LYST: variants seen among roughly 807,000 people sequenced by gnomAD.
LYST encodes lysosomal-trafficking regulator.
A neutral mutation model predicts 413.6 loss-of-function variants in LYST; 192 were observed. The observed-to-expected ratio is 0.46, with a 90% CI of 0.41 to 0.52. LYST has a LOEUF of 0.52. LYST is among the 20% of genes least tolerant of loss of function. The pLI is 0.00. For missense variants in LYST, 3,815 were observed against 4,499.9 expected, an observed-to-expected ratio of 0.85 and a Z score of 4.35; for synonymous variants, 1,525 against 1,567.3, an observed-to-expected ratio of 0.97 and a Z score of 0.64.
Position 235,724,018 on chromosome 1 carries a change from G to C in LYST, c.9315+10C>G, listed in dbSNP as rs1254384615. On this transcript the variant is annotated intron_variant, in intron 39 of 52. Coordinates refer to ENST00000389793, the MANE Select transcript of LYST (RefSeq NM_000081.4). Reference sequence around the variant, plus strand: ...AAACAATATATATCAATTAATAAGGGTGAATTTACCTTGGTGTTATCAAAT... The same window carrying C: ...AAACAATATATATCAATTAATAAGGCTGAATTTACCTTGGTGTTATCAAAT... 7.4e-6 allele frequency: 12 copies of C among 1,610,764 alleles called. No individual in the cohort carries two copies. The highest frequency in any genetic ancestry group is 1.0e-5 in the Non-Finnish European group (12 of 1,177,136).
At position 235,809,091 on chromosome 1, in the gene LYST, C is replaced by T. The variant is rs1240621396; in HGVS notation, c.1727G>A (p.Gly576Asp). 1.2e-6 allele frequency: 2 copies of T among 1,614,090 alleles called. No individual in the cohort carries two copies. Among genetic ancestry groups the T allele is most frequent in the Admixed American group, 3.3e-5 (2 of 60,004 alleles). Residue 576 changes from glycine to aspartate, a missense_variant, in exon 5 of 53, where the codon GGT becomes GAT. Physicochemically the swap from Gly to Asp is moderately conservative, Grantham distance 94. Around this residue, in one of 4 missense-constraint regions of LYST, gnomAD observed 1,648 missense variants for 1,810.3 expected, o/e 0.91. Coordinates refer to ENST00000389793, the MANE Select transcript of LYST (RefSeq NM_000081.4). This position sits in a 1 kb window ranked among gnomAD's most constrained non-coding sequence, Gnocchi z 4.0. The stretch of plus-strand genomic sequence containing the variant: ...ACAGCATATTCCAATGTTATGAACA[C>T]CCGATAGGATCTGGACACAAGTGCT... ...LSSTCVQILS[G>D]VHNIGICCCM... is the part of the protein sequence containing the mutation.
chr1:235,859,640 G>A (rs1432839176), intron 1 of LYST, among the ~76,000 whole-genome samples: 4 of 151,856 alleles, frequency 2.6e-5, no homozygotes, highest in Non-Finnish European at 5.9e-5. Context: ...TTTAAATTAC[G>A]AGTAATTATC....
upstream of LYST, among the ~76,000 whole-genome samples, chr1:235,871,396 T>C (rs577854258): frequency 3.0e-4 from 45 of 152,310 alleles, no homozygotes; most frequent in South Asian, 8.3e-3. Flanking sequence ...TCACAAGACA[T>C]TTATGGTTGA....
chr1:235,752,200 GA>G, intron 26 of LYST, 29 bp from the exon 27 acceptor site: 1 of 1,527,174 alleles, frequency 6.5e-7, no homozygotes, highest in African/African-American at 1.4e-5. Context: ...GAAGAAAACA[GA>G]ACATTTATAA....
chr1:235,665,468 CA>C (rs1317617991), intron 50 of LYST, among the ~76,000 whole-genome samples: 1 of 151,426 alleles, frequency 6.6e-6, no homozygotes, highest in African/African-American at 2.4e-5. Context: ...AAAAATTAGC[CA>C]GGGGTGGTGG....
chr1:235,694,463 C>T (rs972575099), intron 46 of LYST, among the ~76,000 whole-genome samples: 4 of 152,160 alleles, frequency 2.6e-5, no homozygotes, highest in African/African-American at 7.2e-5. Context: ...ATGGTACTGC[C>T]CTTGAAACTT....
chr1:235,737,835 G>A (rs2103240069), intron 31 of LYST: 1 of 928,626 alleles, frequency 1.1e-6, no homozygotes, highest in Middle Eastern at 5.0e-4. Context: ...TTAATAAACA[G>A]GGAAGGAAAC....
chr1:235,715,483 C>T, intron 41 of LYST, 126 bp from the exon 42 acceptor site: 1 of 867,456 alleles, frequency 1.2e-6, no homozygotes, highest in Non-Finnish European at 1.9e-6. Flanking sequence ...ATGGCTGGCC[C>T]TCCCACTCTT....
Position 235,774,957 on chromosome 1 carries a change from C to G in LYST, c.5590G>C (p.Val1864Leu), listed in dbSNP as rs139694536. Residue 1864 changes from valine (V) to leucine (L), a missense_variant, in exon 18 of 53, where the codon GTG (valine) becomes CTG (leucine). By Grantham distance (32) the Val-to-Leu change is conservative. Around this residue, in one of 4 missense-constraint regions of LYST, gnomAD observed 530 missense variants for 696.5 expected, o/e 0.76. Coordinates refer to ENST00000389793, the MANE Select transcript of LYST (RefSeq NM_000081.4). ...ACAATGCATTTTTGTTTGATCAACA[C>G]CTGATGAATCATAGAAAGTCCATTA... ...NCNGLSMIHQ[V>L]LIKQKCIVGF... 5 of 1,610,508 alleles carry G rather than the reference C, an allele frequency of 3.1e-6. No individual in the cohort carries two copies. In the African/African-American group the frequency reaches 6.7e-5, roughly 22 times the overall value.
At chr1:235,678,647 A>T (rs1444111285) in intron 48 of LYST, among the ~76,000 whole-genome samples, 1 of 152,184 alleles carries the variant, frequency 6.6e-6, no homozygotes, top group Non-Finnish European at 1.5e-5. Flanking sequence ...ACAAATCTTA[A>T]CATTTTATAT....
rs111336926 is a variant in LYST at position 235,680,980 on chromosome 1, G to C, written c.10801-3361C>G. On this transcript the variant is annotated intron_variant, in intron 48 of 52. Coordinates refer to ENST00000389793, the MANE Select transcript of LYST (RefSeq NM_000081.4). ...ATTTATTCATCCAACAAACATTGTT[G>C]AGTGTCCCCTACTGTGTGCCTGTCA... Among the ~76,000 whole-genome samples, 846 of 152,292 alleles carry C rather than the reference G, an allele frequency of 5.6e-3. 16 individuals are homozygous for C. The highest frequency in any genetic ancestry group is 0.018 in the African/African-American group (748 of 41,558).
chr1:235,861,283 TAAGATA>T (rs1319193650), intron 1 of LYST, among the ~76,000 whole-genome samples: 1 of 152,220 alleles, frequency 6.6e-6, no homozygotes, highest in African/African-American at 2.4e-5. Flanking sequence ...CTTTCTTGAT[TAAGATA>T]ATCAATTTTA....
In LYST at chr1:235,809,280, T is replaced by C. The variant is rs181191579; in HGVS notation, c.1538A>G (p.His513Arg). Residue 513 changes from histidine to arginine, a missense_variant, in exon 5 of 53, where the codon CAC (histidine) becomes CGC (arginine). His to Arg is a conservative substitution (Grantham distance 29). Around this residue, in one of 4 missense-constraint regions of LYST, gnomAD observed 1,648 missense variants for 1,810.3 expected, o/e 0.91. Transcript: ENST00000389793. The surrounding 1 kb of genome is among the most constrained non-coding windows in gnomAD (Gnocchi z 4.0). The part of the protein sequence containing the change: ...RCEYSHFMHH[H>R]RDLSGLLVSA... The stretch of plus-strand genomic sequence containing the variant: ...AACCAGAAGACCTGAGAGATCTCGG[T>C]GATGATGCATAAAATGAGAATATTC... 6 of 1,614,100 alleles carry C rather than the reference T, an allele frequency of 3.7e-6. No individual in the cohort carries two copies. Among genetic ancestry groups the C allele is most frequent in the East Asian group, 4.5e-5 (2 of 44,868 alleles).
intron 3 of LYST, among the ~76,000 whole-genome samples, chr1:235,814,857 G>A (rs1293605296): frequency 6.6e-6 from 1 of 152,124 alleles, no homozygotes; most frequent in East Asian, 1.9e-4. Flanking sequence ...CTGTTGAGCT[G>A]TCCAGTGTCA....
At chr1:235,879,759 C>T (rs571890293) in intron 1 of LYST, among the ~76,000 whole-genome samples, 23 of 148,442 alleles carry the variant, frequency 1.5e-4, no homozygotes, top group Non-Finnish European at 2.2e-4. Context: ...TTTTTTGAGA[C>T]GGAGTCTCGC....
chr1:235,665,011 CT>C (rs1658312224), intron 50 of LYST, among the ~76,000 whole-genome samples: 1 of 152,054 alleles, frequency 6.6e-6, no homozygotes, highest in Admixed American at 6.6e-5. Flanking sequence ...CTAGGCTAGT[CT>C]TGAACTCCTG....
intron 45 of LYST, 93 bp downstream of exon 45, chr1:235,702,654 C>T: frequency 9.4e-7 from 1 of 1,065,006 alleles, no homozygotes; most frequent in Non-Finnish European, 1.4e-6. Context: ...AGCTTTAGGC[C>T]AGGACCATGC....
rs867378354 is a variant in LYST, at chr1:235,685,869, C to A, written c.10800+1080G>T. 8.8e-3 allele frequency among the ~76,000 whole-genome samples: 1,271 copies of A among 144,608 alleles called. 24 individuals carry two copies. The highest frequency in any genetic ancestry group is 0.032 in the African/African-American group (1,203 of 37,326). 94.9% of individuals were successfully genotyped at this position (144,608 alleles called of 152,430 possible). A position where few individuals can be genotyped will look rare whatever the true frequency, so the allele number is the denominator to read the frequency against. On this transcript the variant is annotated intron_variant, in intron 48 of 52. Coordinates refer to ENST00000389793, the MANE Select transcript of LYST (RefSeq NM_000081.4). Reference sequence around the variant, plus strand: ...TTAAAACAAAACAAAAAAAAAAAAACAAACAAAAAAAGAAAACGAAGAACC... The same window carrying A: ...TTAAAACAAAACAAAAAAAAAAAAAAAAACAAAAAAAGAAAACGAAGAACC...
intron 1 of LYST, among the ~76,000 whole-genome samples, chr1:235,882,844 A>G (rs1319154740): frequency 6.6e-6 from 1 of 152,194 alleles, no homozygotes; most frequent in Non-Finnish European, 1.5e-5. Flanking sequence ...GTGAGTCCTT[A>G]TAACTACGCC....
Sources: gnomAD v4.1 joint callset for allele counts (sites outside exome capture counted in the v4.1 genomes callset) on GRCh38, gnomAD v4.1.1 for gene constraint, gnomAD v4.1.1 regional missense constraint, Gnocchi (gnomAD v3.1) non-coding constraint, MANE v1.5 for transcripts, NCBI Gene and HGNC (gene_info 2026-07-23, HGNC 2026-07-21) for gene names.